Variants in HPSE2 observed in about 807,000 individuals in gnomAD.
The protein encoded by HPSE2 is heparanase 2 (inactive).
HPSE2 carries 38 observed loss-of-function variants against 60.5 expected under a neutral mutation model. That is an observed-to-expected ratio of 0.63 (90% CI 0.48 to 0.82). HPSE2 has a LOEUF of 0.82. HPSE2 is among the 40% of genes least tolerant of loss of function. The pLI, the probability that HPSE2 is intolerant of heterozygous loss-of-function variation, is 0.00. For synonymous variants in HPSE2, 295 were observed against 293.2 expected (o/e 1.01, Z -0.06); for missense variants, 713 against 740.4 (o/e 0.96, Z 0.43).
the HPSE2 span, among the ~76,000 whole-genome samples, chr10:99,272,011 G>A: frequency 6.6e-5 from 10 of 152,154 alleles, no homozygotes; most frequent in African/African-American, 2.2e-4. Flanking sequence ...AGTGGCTCAC[G>A]CCTGTAATCC....
At chr10:99,232,815 G>A (rs1243189669) in intron 1 of HPSE2, among the ~76,000 whole-genome samples, 1 of 152,270 alleles carries the variant, frequency 6.6e-6, no homozygotes, top group Non-Finnish European at 1.5e-5. Flanking sequence ...TTTGTATGGG[G>A]TGGGTGTACG....
intron 3 of HPSE2, among the ~76,000 whole-genome samples, chr10:98,745,914 T>C (rs1439240289): frequency 6.6e-6 from 1 of 152,214 alleles, no homozygotes; most frequent in African/African-American, 2.4e-5. Flanking sequence ...AATTTTGTTA[T>C]AGATCTTTTA....
chr10:99,106,600 A>G (rs1024422188), intron 3 of HPSE2, among the ~76,000 whole-genome samples: 7 of 151,610 alleles, frequency 4.6e-5, no homozygotes, highest in African/African-American at 1.7e-4. Context: ...GTAAGTTATT[A>G]AAGAACTTTG....
chr10:99,308,698 T>C, the HPSE2 span, among the ~76,000 whole-genome samples: 1 of 152,164 alleles, frequency 6.6e-6, no homozygotes, highest in African/African-American at 2.4e-5. Flanking sequence ...ATTCTATTCA[T>C]AGAATTCTGT....
chr10:98,791,684 T>C (rs530544971), intron 3 of HPSE2, among the ~76,000 whole-genome samples: 31 of 152,322 alleles, frequency 2.0e-4, no homozygotes, highest in Non-Finnish European at 3.1e-4. Context: ...CTCTATATTA[T>C]AGCACTTATT....
At chr10:98,697,174 G>C (rs1948247375) in intron 5 of HPSE2, among the ~76,000 whole-genome samples, 1 of 152,160 alleles carries the variant, frequency 6.6e-6, no homozygotes, top group African/African-American at 2.4e-5. Flanking sequence ...ACAGAAGTAG[G>C]CTTCATTCAG....
the HPSE2 span, among the ~76,000 whole-genome samples, chr10:99,307,839 C>A: frequency 2.5e-5 from 3 of 121,076 alleles, no homozygotes; most frequent in Non-Finnish European, 5.6e-5. Flanking sequence ...TGCGCACACA[C>A]ACACACACAC....
intron 9 of HPSE2, among the ~76,000 whole-genome samples, chr10:98,538,920 G>A (rs947518580): frequency 3.9e-5 from 6 of 152,288 alleles, no homozygotes; most frequent in South Asian, 2.1e-4. Context: ...TGGGGCCATA[G>A]CCAATGGATT....
At chr10:98,535,645 G>A (rs182186315) in intron 9 of HPSE2, among the ~76,000 whole-genome samples, 18 of 152,272 alleles carry the variant, frequency 1.2e-4, no homozygotes, top group African/African-American at 4.1e-4. Flanking sequence ...ATTCTTTAAA[G>A]ATAACTGAAA....
rs550812915 is a variant in HPSE2 at position 98,561,309 on chromosome 10, T to A, written c.1320+53595A>T. Among the ~76,000 whole-genome samples the A allele has an allele frequency of 1.8e-4, 28 of 152,150 alleles. 2 individuals carry two copies. The East Asian group carries it at 5.2e-3, about 28-fold the overall frequency. On this transcript the variant is annotated intron_variant, in intron 9 of 11. Coordinates refer to ENST00000370552, the MANE Select transcript of HPSE2 (RefSeq NM_021828.5). ...AGTCTCCCGAGTAGGAAACTGATGATCTTGTCCCCTTGTAGGCCCAGGCCA... is the reference window on the plus strand; with the variant it reads ...AGTCTCCCGAGTAGGAAACTGATGAACTTGTCCCCTTGTAGGCCCAGGCCA...
intron 3 of HPSE2, among the ~76,000 whole-genome samples, chr10:98,855,959 C>G (rs754357453): frequency 1.4e-4 from 22 of 152,138 alleles, no homozygotes; most frequent in Non-Finnish European, 1.9e-4. Context: ...GGTAATGATA[C>G]AGGAATTTGA....
At chr10:99,249,258 T>C in the HPSE2 span, among the ~76,000 whole-genome samples, 1 of 152,246 alleles carries the variant, frequency 6.6e-6, no homozygotes, top group Non-Finnish European at 1.5e-5. Context: ...CCATGGGAGC[T>C]GAGCCCTGCA....
chr10:98,549,582 A>G (rs534079028), intron 9 of HPSE2, among the ~76,000 whole-genome samples: 1 of 152,300 alleles, frequency 6.6e-6, no homozygotes, highest in East Asian at 1.9e-4. Context: ...TTCTTTAAAA[A>G]GCCCTTGCCC....
chr10:98,688,177 A>G (rs1267925907), intron 6 of HPSE2, among the ~76,000 whole-genome samples: 1 of 152,110 alleles, frequency 6.6e-6, no homozygotes, highest in East Asian at 1.9e-4. Flanking sequence ...GTATTGTACT[A>G]CTTATATAAA....
chr10:98,724,405 T>C (rs922864870), intron 4 of HPSE2, among the ~76,000 whole-genome samples: 4 of 152,202 alleles, frequency 2.6e-5, no homozygotes, highest in African/African-American at 9.7e-5. Flanking sequence ...AATTTTGGAA[T>C]AGGTGTGGTG....
intron 3 of HPSE2, among the ~76,000 whole-genome samples, chr10:99,027,312 AAGG>A (rs1957399765): frequency 6.6e-6 from 1 of 152,024 alleles, no homozygotes; most frequent in Non-Finnish European, 1.5e-5. Flanking sequence ...CAGAAATCCA[AAGG>A]ATCATTAGTG....
chr10:98,828,153 T>C (rs1353457344), intron 3 of HPSE2, among the ~76,000 whole-genome samples: 1 of 138,242 alleles, frequency 7.2e-6, no homozygotes, highest in African/African-American at 3.5e-5. Context: ...TAAATCTCTA[T>C]CTCTCTGTCT....
intron 3 of HPSE2, among the ~76,000 whole-genome samples, chr10:98,894,124 G>T (rs375644885): frequency 9.2e-5 from 14 of 152,236 alleles, no homozygotes; most frequent in African/African-American, 2.6e-4. Context: ...TTCTTAAGTG[G>T]TCATAGATTG....
chr10:98,888,171 C>T (rs974009227), intron 3 of HPSE2, among the ~76,000 whole-genome samples: 3 of 149,864 alleles, frequency 2.0e-5, no homozygotes, highest in East Asian at 3.9e-4. Context: ...CACACACACA[C>T]ACATGCATGA....
Sources: allele counts gnomAD v4.1 joint callset (sites outside exome capture counted in the v4.1 genomes callset), GRCh38; gene constraint gnomAD v4.1.1; transcripts MANE v1.5; gene names NCBI Gene and HGNC (gene_info 2026-07-23, HGNC 2026-07-21).